DGCR2: variants seen among roughly 807,000 people sequenced by gnomAD.
DGCR2 encodes integral membrane protein DGCR2/IDD.
In DGCR2, 24 loss-of-function variants were observed where a neutral mutation model predicts 51.6. That is an observed-to-expected ratio of 0.47 (90% CI 0.34 to 0.65). The LOEUF is 0.65. DGCR2 is among the 30% of genes least tolerant of loss of function. DGCR2 has a pLI of 0.01. For missense variants in DGCR2, 765 were observed against 772.1 expected (o/e 0.99, Z 0.11); for synonymous variants, 340 against 315.4 (o/e 1.08, Z -0.82).
intron 2 of DGCR2, among the ~76,000 whole-genome samples, chr22:19,075,165 C>T (rs1383580991): frequency 2.7e-5 from 4 of 149,930 alleles, no homozygotes; most frequent in East Asian, 1.9e-4. Flanking sequence ...CAGTGGCTCA[C>T]GCCTGTAATC....
At chr22:19,107,620 G>A (rs1419232219) in intron 1 of DGCR2, among the ~76,000 whole-genome samples, 4 of 152,148 alleles carry the variant, frequency 2.6e-5, no homozygotes, top group African/African-American at 9.7e-5. Context: ...CTAAGAAAAA[G>A]GAAGGGATCA....
intron 2 of DGCR2, among the ~76,000 whole-genome samples, chr22:19,079,069 G>A (rs1280285755): frequency 2.6e-5 from 4 of 152,062 alleles, no homozygotes; most frequent in African/African-American, 9.7e-5. Flanking sequence ...ATGTTTCTAG[G>A]AATGTGTCCG....
In DGCR2 at chr22:19,089,363, C is replaced by T; in HGVS notation, c.202+5G>A. ...GTGTGTACCCCGCCTACTCAACACA[C>T]TCACCTGGACAGTTGGCTTCGTCGC... On this transcript the variant is annotated splice_donor_5th_base_variant and intron_variant, in intron 2 of 9. Coordinates refer to ENST00000263196, the MANE Select transcript of DGCR2 (RefSeq NM_005137.3). 1.3e-6 allele frequency: 2 copies of T among 1,592,364 alleles called. No individual in the cohort carries two copies. Among genetic ancestry groups the T allele is most frequent in the Non-Finnish European group, 1.7e-6 (2 of 1,168,312 alleles).
chr22:19,037,940 A>G lies in DGCR2; in HGVS notation c.*925T>C, dbSNP rs758283669. ...GGTGGTTTCAGCCACCCCTCCTGCA[A>G]TGAAGCAACCCTTTATGGCACAAAT... is the stretch of plus-strand genomic sequence containing the variant. On this transcript the variant is annotated 3_prime_UTR_variant, in exon 10 of 10. Transcript: ENST00000263196. 1.3e-5 allele frequency: 2 copies of G among 152,784 alleles called. No individual in the cohort carries two copies. Among genetic ancestry groups the G allele is most frequent in the African/African-American group, 4.8e-5 (2 of 41,452 alleles). 9.5% of individuals were successfully genotyped at this position (152,784 alleles called of 1,614,324 possible). A position where few individuals can be genotyped will look rare whatever the true frequency, so the allele number is the denominator to read the frequency against.
In DGCR2 at chr22:19,068,084, C is replaced by A. The variant is rs376423759; in HGVS notation, c.328+16G>T. The A allele has an allele frequency of 7.3e-5, 113 of 1,557,184 alleles. No individual in the cohort carries two copies. The highest frequency in any genetic ancestry group is 9.5e-5 in the Non-Finnish European group (109 of 1,153,122). ...GCACTCCCCAGTGTCCCAGTCAGGG[C>A]AGGTCTGCAACTTACTGCTGAAGCG... On this transcript the variant is annotated intron_variant, in intron 3 of 9. Coordinates refer to ENST00000263196, the MANE Select transcript of DGCR2 (RefSeq NM_005137.3).
intron 1 of DGCR2, among the ~76,000 whole-genome samples, chr22:19,106,089 T>C (rs1431495032): frequency 6.6e-6 from 1 of 152,076 alleles, no homozygotes; most frequent in Non-Finnish European, 1.5e-5. Flanking sequence ...AGAGATCCGT[T>C]GCGAGACAAA....
At chr22:19,120,752 T>C (rs1000139635) in intron 1 of DGCR2, among the ~76,000 whole-genome samples, 1 of 152,184 alleles carries the variant, frequency 6.6e-6, no homozygotes, top group African/African-American at 2.4e-5. Flanking sequence ...CGTACATATA[T>C]GTTTTCTAAA....
chr22:19,120,441 ACTC>A (rs1349661628), intron 1 of DGCR2, among the ~76,000 whole-genome samples: 21 of 152,214 alleles, frequency 1.4e-4, no homozygotes, highest in Middle Eastern at 6.8e-3. Flanking sequence ...CACATCAGGC[ACTC>A]CTAAAAGGAG....
chr22:19,041,560 TG>T, intron 8 of DGCR2: 1 of 593,302 alleles, frequency 1.7e-6, no homozygotes, highest in South Asian at 2.1e-5. Flanking sequence ...CCCCTCCAGC[TG>T]GAAGGGTGAT....
chr22:19,060,639 C>T, intron 5 of DGCR2: 1 of 243,848 alleles, frequency 4.1e-6, no homozygotes, highest in Non-Finnish European at 8.4e-6. Flanking sequence ...GGATGATTCT[C>T]CCTACACAAG....
chr22:19,078,982 T>G (rs1323599589), intron 2 of DGCR2, among the ~76,000 whole-genome samples: 1 of 152,216 alleles, frequency 6.6e-6, no homozygotes, highest in Non-Finnish European at 1.5e-5. Flanking sequence ...GGTTTTTGAT[T>G]ACTGATTCAA....
chr22:19,056,512 A>G, intron 6 of DGCR2: 1 of 484,866 alleles, frequency 2.1e-6, no homozygotes, highest in South Asian at 2.4e-5. Context: ...AGAGCTCCTG[A>G]GACCCCTGTC....
In DGCR2 at chr22:19,057,736, GA is replaced by G. The variant is rs2082619052; in HGVS notation, c.626-575del. 6.8e-6 allele frequency among the ~76,000 whole-genome samples: 1 copy of G among 146,936 alleles called. No homozygotes were observed. The highest frequency in any genetic ancestry group is 1.5e-5 in the Non-Finnish European group (1 of 66,956). The stretch of plus-strand genomic sequence containing the variant: ...CCCGGGGACCTCTCTCAGCTCAAGG[GA>G]AACTGTCACCCACTCAGCTCCTGCC... On this transcript the variant is annotated intron_variant, in intron 5 of 9. Coordinates refer to ENST00000263196, the MANE Select transcript of DGCR2 (RefSeq NM_005137.3). This position sits in a 1 kb window ranked among gnomAD's most constrained non-coding sequence, Gnocchi z 5.1.
intron 2 of DGCR2, among the ~76,000 whole-genome samples, chr22:19,068,670 G>C (rs1167859055): frequency 6.6e-6 from 1 of 152,178 alleles, no homozygotes; most frequent in Non-Finnish European, 1.5e-5. Context: ...ACCTTCCTCT[G>C]CAGCCCTTGT....
chr22:19,106,718 C>T (rs1168027244), intron 1 of DGCR2, among the ~76,000 whole-genome samples: 1 of 152,136 alleles, frequency 6.6e-6, no homozygotes, highest in Non-Finnish European at 1.5e-5. Flanking sequence ...GGGGCTGACC[C>T]GCCTACTCAG....
At chr22:19,082,154 T>C (rs1432802627) in intron 2 of DGCR2, among the ~76,000 whole-genome samples, 1 of 151,146 alleles carries the variant, frequency 6.6e-6, no homozygotes, top group Non-Finnish European at 1.5e-5. Context: ...CTCAGGTGAT[T>C]CTTCCCACCT....
At chr22:19,072,336 C>T (rs992033244) in intron 2 of DGCR2, among the ~76,000 whole-genome samples, 2 of 152,118 alleles carry the variant, frequency 1.3e-5, no homozygotes, top group African/African-American at 4.8e-5. Context: ...AGATTCCCAA[C>T]GAAACATATC....
At chr22:19,056,877 C>A in intron 6 of DGCR2, 109 bp downstream of exon 6, 4 of 1,285,332 alleles carry the variant, frequency 3.1e-6, no homozygotes. Context: ...GGGGCGTCCA[C>A]CGCAACACTG....
rs979567120 is a variant in DGCR2, at chr22:19,038,580, G to T, written c.*285C>A. 6 of 496,786 alleles carry T rather than the reference G, an allele frequency of 1.2e-5. No homozygotes were observed. Among genetic ancestry groups the T allele is most frequent in the African/African-American group, 2.0e-5 (1 of 50,414 alleles). The allele number at this position is 496,786 out of a possible 1,614,324, so 30.8% of individuals were successfully genotyped here. On this transcript the variant is annotated 3_prime_UTR_variant, in exon 10 of 10. Transcript: ENST00000263196. ...CTTCTTCATTCCCTGCCTCTAACAT[G>T]TGCGGTCTGAATGAATTTTGTCACT...
Sources: gnomAD v4.1 joint callset for allele counts (sites outside exome capture counted in the v4.1 genomes callset) on GRCh38, gnomAD v4.1.1 for gene constraint, Gnocchi (gnomAD v3.1) non-coding constraint, MANE v1.5 for transcripts, NCBI Gene and HGNC (gene_info 2026-07-23, HGNC 2026-07-21) for gene names.